The following PDE11A variants were observed in gnomAD, a reference collection of about 807,000 sequenced individuals.
PDE11A encodes dual 3',5'-cyclic-AMP and -GMP phosphodiesterase 11A.
Under a neutral mutation model 100.5 loss-of-function variants are expected in PDE11A, and 100 were observed. That is an observed-to-expected ratio of 1.00 (90% CI 0.85 to 1.18). The LOEUF (loss-of-function observed/expected upper bound fraction) is 1.18, where lower values mean the gene tolerates loss of function less well. Among genes scored for constraint, PDE11A ranks in the 50% most tolerant of loss-of-function variants. The pLI, the probability that PDE11A is intolerant of heterozygous loss-of-function variation, is 0.00. For missense variants in PDE11A, 1,141 were observed against 1,152.6 expected, an observed-to-expected ratio of 0.99 and a Z score of 0.15; for synonymous variants, 381 against 420.8, an observed-to-expected ratio of 0.91 and a Z score of 1.16.
chr2:177,898,095 C>T lies in PDE11A; in HGVS notation c.1265G>A (p.Arg422His), dbSNP rs2084638370. The T allele has an allele frequency of 6.2e-7, 1 of 1,612,406 alleles. No individual in the cohort carries two copies. Among genetic ancestry groups the T allele is most frequent in the Non-Finnish European group, 8.5e-7 (1 of 1,178,544 alleles). ...GTCCTCTAGGAGTAAAACAGAACAGCGTTCACATTTCAGCAGAGTTTGGGC... is the reference window on the plus strand; with the variant it reads ...GTCCTCTAGGAGTAAAACAGAACAGTGTTCACATTTCAGCAGAGTTTGGGC... ...HRAQTLLKCERCSVLLLEDIE... is the reference protein window; with the variant it reads ...HRAQTLLKCEHCSVLLLEDIE... Residue 422 changes from arginine (R) to histidine (H), a missense_variant, in exon 4 of 20, where the codon CGC becomes CAC. By Grantham distance (29) the Arg-to-His change is conservative. Coordinates refer to ENST00000286063, the MANE Select transcript of PDE11A (RefSeq NM_016953.4).
chr2:177,718,803 A>G (rs1235656805), intron 12 of PDE11A, among the ~76,000 whole-genome samples: 6 of 152,168 alleles, frequency 3.9e-5, no homozygotes, highest in Admixed American at 1.3e-4. Context: ...GTATATTTGT[A>G]CATTCTTTTT....
At chr2:178,012,832 T>C (rs902054896) in intron 2 of PDE11A, among the ~76,000 whole-genome samples, 5 of 152,152 alleles carry the variant, frequency 3.3e-5, no homozygotes, top group African/African-American at 1.2e-4. Context: ...AGGGGTATGG[T>C]ATGGGTATGT....
intron 9 of PDE11A, among the ~76,000 whole-genome samples, chr2:177,797,977 A>G (rs75816923): frequency 0.038 from 5,751 of 152,216 alleles, 175 homozygotes; most frequent in African/African-American, 0.065. Flanking sequence ...AAATTCCTTC[A>G]TGTAACACAA....
chr2:177,981,337 G>C (rs2085879310), intron 2 of PDE11A, among the ~76,000 whole-genome samples: 2 of 150,526 alleles, frequency 1.3e-5, no homozygotes, highest in South Asian at 2.2e-4. Context: ...AGTTCTGGAG[G>C]CTAGAAGTCT....
At chr2:177,940,177 T>C (rs1334237129) in intron 2 of PDE11A, among the ~76,000 whole-genome samples, 2 of 152,194 alleles carry the variant, frequency 1.3e-5, no homozygotes, top group African/African-American at 2.4e-5. Context: ...GGGTTTACTA[T>C]ACTATTTTAT....
intron 2 of PDE11A, chr2:177,997,432 T>C: frequency 1.2e-6 from 1 of 829,186 alleles, no homozygotes; most frequent in Non-Finnish European, 2.1e-6. Flanking sequence ...TTTATACAGG[T>C]TTCCAGGATA....
chr2:177,897,840 TC>T (rs1457501630), intron 4 of PDE11A, among the ~76,000 whole-genome samples: 1 of 152,150 alleles, frequency 6.6e-6, no homozygotes, highest in Non-Finnish European at 1.5e-5. Context: ...ATCTCTAAAG[TC>T]CCTGTTAGCT....
intron 5 of PDE11A, among the ~76,000 whole-genome samples, chr2:177,841,811 A>G (rs1011840908): frequency 6.6e-6 from 1 of 152,254 alleles, no homozygotes; most frequent in Non-Finnish European, 1.5e-5. Context: ...TGTAGTTCTT[A>G]GATGGCACCT....
chr2:177,929,515 A>C (rs1466200498), intron 2 of PDE11A, among the ~76,000 whole-genome samples: 15 of 152,158 alleles, frequency 9.9e-5, no homozygotes, highest in Admixed American at 9.8e-4. Flanking sequence ...GCTAGGATGA[A>C]CTTGAAGCTT....
chr2:177,682,076 G>A (rs1160543566), intron 15 of PDE11A, among the ~76,000 whole-genome samples: 8 of 152,134 alleles, frequency 5.3e-5, no homozygotes, highest in Admixed American at 1.3e-4. Flanking sequence ...TATTCTGGAA[G>A]GCTGCTACCT....
chr2:178,090,213 T>C (rs551019830), intron 2 of PDE11A, among the ~76,000 whole-genome samples: 4 of 152,236 alleles, frequency 2.6e-5, no homozygotes, highest in Non-Finnish European at 5.9e-5. Context: ...AGACCCTTTA[T>C]GTAAATTCAT....
At chr2:177,675,618 G>A (rs765356637) in intron 16 of PDE11A, 100 bp from the exon 17 acceptor site, 29 of 882,818 alleles carry the variant, frequency 3.3e-5, no homozygotes, top group African/African-American at 5.0e-5. Flanking sequence ...AAATGGAAAC[G>A]AGGCCAGCTC....
chr2:178,013,864 C>T (rs550102289), intron 2 of PDE11A, among the ~76,000 whole-genome samples: 6 of 152,194 alleles, frequency 3.9e-5, no homozygotes, highest in South Asian at 2.1e-4. Context: ...AAATAACATT[C>T]GTTTTTATTG....
rs150703159 is a variant in PDE11A, at chr2:178,053,337, T to C, written c.912+18189A>G. ...AGCCCTTCGTGCTAAAACCTCTCAA[T>C]AAATAAGGTATTGATGGGATGTATC... On this transcript the variant is annotated intron_variant, in intron 1 of 19. Transcript: ENST00000286063. Among the ~76,000 whole-genome samples the C allele has an allele frequency of 7.7e-4, 117 of 152,284 alleles. No homozygotes were observed. The Middle Eastern group carries it at 0.01, about 13-fold the overall frequency.
At chr2:178,067,733 G>A (rs1296205016) in intron 1 of PDE11A, among the ~76,000 whole-genome samples, 2 of 152,148 alleles carry the variant, frequency 1.3e-5, no homozygotes, top group African/African-American at 2.4e-5. Flanking sequence ...GCTGTCTACT[G>A]TACACCCTTG....
At chr2:177,940,331 G>T (rs993982914) in intron 2 of PDE11A, among the ~76,000 whole-genome samples, 1 of 151,990 alleles carries the variant, frequency 6.6e-6, no homozygotes, top group South Asian at 2.1e-4. Flanking sequence ...TTTGTTGTTG[G>T]GTTATGTTTT....
At chr2:178,014,561 T>C in intron 1 of PDE11A, 101 bp from the exon 2 acceptor site, 1 of 868,412 alleles carries the variant, frequency 1.2e-6, no homozygotes, top group South Asian at 1.4e-5. Flanking sequence ...CACTGGGAAC[T>C]AGCCCCATGA....
intron 3 of PDE11A, among the ~76,000 whole-genome samples, chr2:177,900,318 G>C (rs978600980): frequency 6.6e-6 from 1 of 152,198 alleles, no homozygotes; most frequent in Non-Finnish European, 1.5e-5. Flanking sequence ...AGGAATTCAT[G>C]AATTGTCAAA....
intron 2 of PDE11A, among the ~76,000 whole-genome samples, chr2:178,013,972 T>C (rs1275007141): frequency 6.6e-6 from 1 of 152,186 alleles, no homozygotes; most frequent in Admixed American, 6.5e-5. Flanking sequence ...TCTTCCTATA[T>C]TTTCTATCTT....
Sources: gnomAD v4.1 joint callset for allele counts (sites outside exome capture counted in the v4.1 genomes callset) on GRCh38, gnomAD v4.1.1 for gene constraint, MANE v1.5 for transcripts, NCBI Gene and HGNC (gene_info 2026-07-23, HGNC 2026-07-21) for gene names.